The following ARHGAP26 variants were observed in gnomAD, a reference collection of about 807,000 sequenced individuals.
ARHGAP26 encodes rho GTPase-activating protein 26.
ARHGAP26 carries 38 observed loss-of-function variants against 104.8 expected under a neutral mutation model. The ratio of observed to expected loss-of-function variants is 0.36; its 90% CI spans 0.28 to 0.48. ARHGAP26 has a LOEUF of 0.48. Ranked by LOEUF, ARHGAP26 falls within the 20% of genes least tolerant of loss-of-function variation. ARHGAP26 has a pLI of 0.99. For missense variants in ARHGAP26, 704 were observed against 947.9 expected (o/e 0.74, Z 3.38); for synonymous variants, 341 against 340.0 (o/e 1.00, Z -0.03).
intron 12 of ARHGAP26, among the ~76,000 whole-genome samples, chr5:143,021,800 GGAAAAACCCA>G (rs1480338684): frequency 6.6e-6 from 1 of 152,110 alleles, no homozygotes; most frequent in Non-Finnish European, 1.5e-5. Flanking sequence ...CACAACAAAA[GGAAAAACCCA>G]CTGGAAAGGA....
intron 1 of ARHGAP26, among the ~76,000 whole-genome samples, chr5:142,778,959 TA>T (rs36019923): frequency 0.22 from 32,645 of 151,250 alleles, 6,767 homozygotes; most frequent in African/African-American, 0.55. Context: ...AAAAAAAACT[TA>T]GTGTGTGTGT....
intron 18 of ARHGAP26, among the ~76,000 whole-genome samples, chr5:143,131,347 T>C (rs1226482732): frequency 6.6e-6 from 1 of 152,182 alleles, no homozygotes; most frequent in Non-Finnish European, 1.5e-5. Context: ...GTCCATGTTA[T>C]TTTTGCTCCC....
At chr5:143,079,002 G>T (rs1002757236) in intron 17 of ARHGAP26, among the ~76,000 whole-genome samples, 9 of 152,222 alleles carry the variant, frequency 5.9e-5, no homozygotes, top group African/African-American at 2.2e-4. Context: ...AGCTGGATCA[G>T]TAAAGGATAA....
intron 17 of ARHGAP26, among the ~76,000 whole-genome samples, chr5:143,070,084 T>G (rs1281146683): frequency 6.6e-6 from 1 of 152,162 alleles, no homozygotes; most frequent in African/African-American, 2.4e-5. Context: ...TTAAACCTGT[T>G]TTTTTTAAGT....
intron 1 of ARHGAP26, among the ~76,000 whole-genome samples, chr5:142,809,821 C>T (rs922621417): frequency 6.6e-6 from 1 of 152,216 alleles, no homozygotes; most frequent in African/African-American, 2.4e-5. Flanking sequence ...CCATTCAATA[C>T]CAATTTACTG....
At chr5:143,049,258 A>C (rs548894347) in intron 14 of ARHGAP26, among the ~76,000 whole-genome samples, 4 of 152,172 alleles carry the variant, frequency 2.6e-5, no homozygotes, top group African/African-American at 9.7e-5. Flanking sequence ...GATTCTTTAT[A>C]TTCTAGCAAA....
chr5:142,838,604 G>A (rs543562713), intron 1 of ARHGAP26, among the ~76,000 whole-genome samples: 74 of 152,316 alleles, frequency 4.9e-4, no homozygotes, highest in Non-Finnish European at 7.9e-4. Context: ...CAAGATGGTT[G>A]TGACCATTAA....
At chr5:143,212,040 T>C (rs962349856) in intron 21 of ARHGAP26, among the ~76,000 whole-genome samples, 5 of 152,194 alleles carry the variant, frequency 3.3e-5, no homozygotes, top group African/African-American at 9.7e-5. Flanking sequence ...TATCCTTGTT[T>C]AGTGAGGTTA....
At chr5:143,032,009 C>G (rs1353852806) in intron 12 of ARHGAP26, among the ~76,000 whole-genome samples, 1 of 152,192 alleles carries the variant, frequency 6.6e-6, no homozygotes, top group Non-Finnish European at 1.5e-5. Flanking sequence ...CCCTAAGATT[C>G]TTCAAGGTTA....
At chr5:142,967,627 T>C (rs1041943755) in intron 11 of ARHGAP26, among the ~76,000 whole-genome samples, 5 of 152,044 alleles carry the variant, frequency 3.3e-5, no homozygotes, top group African/African-American at 9.7e-5. Flanking sequence ...TAAAAATACA[T>C]CAGTATTCTA....
intron 20 of ARHGAP26, among the ~76,000 whole-genome samples, chr5:143,160,674 G>A (rs1249344898): frequency 6.6e-6 from 1 of 151,692 alleles, no homozygotes; most frequent in African/African-American, 2.4e-5. Context: ...TTGTAGAGAT[G>A]GGGTCTTGCT....
chr5:142,826,548 G>A lies in ARHGAP26; in HGVS notation c.155-46852G>A, dbSNP rs529312374. Among the ~76,000 whole-genome samples, 8 of 152,372 alleles carry A rather than the reference G, an allele frequency of 5.3e-5. No individual in the cohort carries two copies. The South Asian group carries it at 1.7e-3, about 32-fold the overall frequency. On this transcript the variant is annotated intron_variant, in intron 1 of 22. Coordinates refer to ENST00000645722, the MANE Select transcript of ARHGAP26 (RefSeq NM_001135608.3). ...TATTATCACCACGGTGAGTGGACCA[G>A]GCTTGGGTTGTCCGTAGGGGAGTTA...
At chr5:143,010,121 C>A (rs983690381) in intron 11 of ARHGAP26, among the ~76,000 whole-genome samples, 10 of 152,210 alleles carry the variant, frequency 6.6e-5, no homozygotes, top group Admixed American at 3.9e-4. Flanking sequence ...TAGCCCAGAG[C>A]AGACTGACCA....
In ARHGAP26 at chr5:143,131,427, G is replaced by GTCT. The variant is rs1417818083; in HGVS notation, c.1699-2540_1699-2539insTCT. Among the ~76,000 whole-genome samples the GTCT allele has an allele frequency of 7.9e-5, 12 of 152,312 alleles. No individual in the cohort carries two copies. The South Asian group carries it at 2.5e-3, about 32-fold the overall frequency. On this transcript the variant is annotated intron_variant, in intron 18 of 22. Coordinates refer to ENST00000645722, the MANE Select transcript of ARHGAP26 (RefSeq NM_001135608.3). ...AAAAAGAGACAAAATTTGGAGGCCA[G>GTCT]AGGCAAAGCAGGATGAGAGGGAAAA...
intron 15 of ARHGAP26, among the ~76,000 whole-genome samples, chr5:143,055,530 T>A (rs114681191): frequency 0.014 from 2,180 of 152,278 alleles, 43 homozygotes; most frequent in African/African-American, 0.047. Context: ...GTAAAATTTG[T>A]TTATATCATA....
chr5:142,913,976 G>A (rs754184024), intron 10 of ARHGAP26, among the ~76,000 whole-genome samples: 29 of 152,184 alleles, frequency 1.9e-4, no homozygotes, highest in Non-Finnish European at 3.4e-4. Context: ...AAACCCACGT[G>A]TTAAGCTTAT....
intron 1 of ARHGAP26, among the ~76,000 whole-genome samples, chr5:142,808,128 G>C (rs1006937868): frequency 1.3e-4 from 19 of 150,958 alleles, no homozygotes; most frequent in Non-Finnish European, 2.5e-4. Context: ...CCAGCTACTC[G>C]GGAGGCTGAG....
chr5:143,052,729 T>G (rs1361912311), intron 14 of ARHGAP26, among the ~76,000 whole-genome samples: 1 of 152,218 alleles, frequency 6.6e-6, no homozygotes, highest in East Asian at 1.9e-4. Context: ...CTGAAGCCAT[T>G]CATGAGTATT....
At chr5:142,873,563 G>A (rs1047243314) in intron 2 of ARHGAP26, 68 bp downstream of exon 2, 2 of 1,122,278 alleles carry the variant, frequency 1.8e-6, no homozygotes, top group Non-Finnish European at 2.5e-6. Flanking sequence ...TCCCAGCAGA[G>A]CCTTTTCCCT....
Sources: gnomAD v4.1 joint callset for allele counts (sites outside exome capture counted in the v4.1 genomes callset) on GRCh38, gnomAD v4.1.1 for gene constraint, MANE v1.5 for transcripts, NCBI Gene and HGNC (gene_info 2026-07-23, HGNC 2026-07-21) for gene names.